Variants in HMGCLL1 observed in about 807,000 individuals in gnomAD.
HMGCLL1 encodes 3-hydroxymethyl-3-methylglutaryl-CoA lyase, cytoplasmic.
Under a neutral mutation model 39.1 loss-of-function variants are expected in HMGCLL1, and 36 were observed. The observed-to-expected ratio is 0.92, with a 90% confidence interval of 0.71 to 1.22. The LOEUF (loss-of-function observed/expected upper bound fraction) is 1.22, where lower values mean the gene tolerates loss of function less well. Among genes scored for constraint, HMGCLL1 ranks in the 50% most tolerant of loss-of-function variants. The probability of loss-of-function intolerance (pLI) is 0.00; values close to 1 mark genes in which losing one functional copy is unlikely to be tolerated. For missense variants in HMGCLL1, 451 were observed against 416.5 expected, an observed-to-expected ratio of 1.08 and a Z score of -0.72; for synonymous variants, 149 against 144.0, an observed-to-expected ratio of 1.03 and a Z score of -0.25.
At chr6:55,524,408 TTTAAAA>T (rs1393748833) in intron 3 of HMGCLL1, among the ~76,000 whole-genome samples, 1 of 149,488 alleles carries the variant, frequency 6.7e-6, no homozygotes, top group Admixed American at 6.8e-5. Flanking sequence ...TTTTTTCTCA[TTTAAAA>T]TTAATATTTA....
At chr6:55,475,015 G>A (rs1342768687) in intron 7 of HMGCLL1, among the ~76,000 whole-genome samples, 1 of 151,462 alleles carries the variant, frequency 6.6e-6, no homozygotes, top group African/African-American at 2.4e-5. Flanking sequence ...TCCTTAATCT[G>A]GTGATTAAAT....
intron 5 of HMGCLL1, among the ~76,000 whole-genome samples, chr6:55,507,711 G>C (rs1767242091): frequency 6.6e-6 from 1 of 151,598 alleles, no homozygotes; most frequent in Non-Finnish European, 1.5e-5. Context: ...TTAAATCTCT[G>C]AGACCTGAAA....
chr6:55,534,805 T>C (rs1372045078), intron 3 of HMGCLL1, among the ~76,000 whole-genome samples: 1 of 152,248 alleles, frequency 6.6e-6, no homozygotes, highest in Non-Finnish European at 1.5e-5. Flanking sequence ...GATTATTTGG[T>C]GTGCGGGTAA....
chr6:55,626,807 A>G, the HMGCLL1 span, among the ~76,000 whole-genome samples: 2 of 152,002 alleles, frequency 1.3e-5, no homozygotes, highest in Non-Finnish European at 2.9e-5. Context: ...TTCAGTCAAG[A>G]GGCTAAGAAA....
the HMGCLL1 span, among the ~76,000 whole-genome samples, chr6:55,648,915 A>G: frequency 1.4e-5 from 2 of 147,702 alleles, no homozygotes; most frequent in East Asian, 4.0e-4. Context: ...CACAACCAAA[A>G]AAGAGAATTT....
upstream of HMGCLL1, among the ~76,000 whole-genome samples, chr6:55,580,359 G>C (rs1303986593): frequency 6.9e-6 from 1 of 145,488 alleles, no homozygotes; most frequent in African/African-American, 2.5e-5. Context: ...GGAGGTCATA[G>C]TCTTCTTCTC....
the HMGCLL1 span, among the ~76,000 whole-genome samples, chr6:55,643,184 A>C: frequency 5.3e-5 from 8 of 152,154 alleles, no homozygotes; most frequent in Non-Finnish European, 7.4e-5. Context: ...GGTGAATGGT[A>C]ATACTGTTTT....
intron 3 of HMGCLL1, among the ~76,000 whole-genome samples, chr6:55,539,051 C>G (rs375449716): frequency 1.3e-5 from 2 of 152,032 alleles, no homozygotes; most frequent in Non-Finnish European, 2.9e-5. Flanking sequence ...TGCAGAGAAA[C>G]GCAGAAATAC....
intron 7 of HMGCLL1, among the ~76,000 whole-genome samples, chr6:55,458,179 T>C (rs1397837048): frequency 6.6e-6 from 1 of 152,236 alleles, no homozygotes; most frequent in Non-Finnish European, 1.5e-5. Context: ...AAATTTAAAA[T>C]GACATGTAAT....
chr6:55,442,549 C>A (rs529738482), intron 7 of HMGCLL1, among the ~76,000 whole-genome samples: 1 of 152,178 alleles, frequency 6.6e-6, no homozygotes, highest in East Asian at 1.9e-4. Context: ...AGGATACTTA[C>A]AAAATCTCAC....
chr6:55,602,204 A>G, the HMGCLL1 span, among the ~76,000 whole-genome samples: 1 of 152,090 alleles, frequency 6.6e-6, no homozygotes, highest in Non-Finnish European at 1.5e-5. Flanking sequence ...GTGGCATTCT[A>G]TATTTTCCTC....
Position 55,477,421 on chromosome 6 carries a change from T to A in HMGCLL1, c.795+17998A>T, listed in dbSNP as rs1265977212. Among the ~76,000 whole-genome samples the A allele has an allele frequency of 1.5e-4, 4 of 26,128 alleles. No individual in the cohort carries two copies. In the African/African-American group the frequency reaches 2.1e-3, roughly 14 times the overall value. The allele number at this position is 26,128 out of a possible 152,430, so 17.1% of individuals were successfully genotyped here. A position where few individuals can be genotyped will look rare whatever the true frequency, so the allele number is the denominator to read the frequency against. The stretch of plus-strand genomic sequence containing the variant: ...ATATATTATCTAAATATATATTATC[T>A]TAATATATATTATATATTATATATA... On this transcript the variant is annotated intron_variant, in intron 7 of 8. Coordinates refer to ENST00000274901, the MANE Select transcript of HMGCLL1 (RefSeq NM_001042406.2).
the HMGCLL1 span, among the ~76,000 whole-genome samples, chr6:55,633,911 G>A: frequency 4.6e-5 from 7 of 152,154 alleles, no homozygotes; most frequent in African/African-American, 1.7e-4. Context: ...TCAAGTATCC[G>A]AAACATTCTT....
chr6:55,538,430 T>C (rs907499186), intron 3 of HMGCLL1, among the ~76,000 whole-genome samples: 2 of 152,140 alleles, frequency 1.3e-5, no homozygotes, highest in Non-Finnish European at 2.9e-5. Context: ...AGAAGTAAAT[T>C]TATGAAGATA....
the HMGCLL1 span, among the ~76,000 whole-genome samples, chr6:55,668,480 C>T: frequency 6.6e-6 from 1 of 151,824 alleles, no homozygotes; most frequent in Non-Finnish European, 1.5e-5. Flanking sequence ...ACATCACATC[C>T]CATCCCATCT....
intron 7 of HMGCLL1, among the ~76,000 whole-genome samples, chr6:55,477,235 T>TTTATTTATATAATATATAATA (rs1765389635): frequency 7.1e-5 from 1 of 14,116 alleles, no homozygotes; most frequent in Non-Finnish European, 9.9e-5. Context: ...ATAATATATA[T>TTTATTTATATAATATATAATA]TATATTTATA....
At chr6:55,465,574 T>C (rs893057377) in intron 7 of HMGCLL1, among the ~76,000 whole-genome samples, 17 of 152,122 alleles carry the variant, frequency 1.1e-4, no homozygotes, top group Non-Finnish European at 2.2e-4. Context: ...TCATTAAATA[T>C]GATATTCATG....
chr6:55,627,269 T>C, the HMGCLL1 span, among the ~76,000 whole-genome samples: 1 of 152,028 alleles, frequency 6.6e-6, no homozygotes, highest in Non-Finnish European at 1.5e-5. Context: ...ATATCTCCAT[T>C]TTATTTCTTT....
rs1298284131 is a variant in HMGCLL1, at chr6:55,478,389, G to A, written c.795+17030C>T. Among the ~76,000 whole-genome samples the A allele has an allele frequency of 3.3e-5, 5 of 151,284 alleles. 1 individual carries two copies. The highest frequency in any genetic ancestry group is 1.2e-4 in the African/African-American group (5 of 40,910). Reference sequence around the variant, plus strand: ...TACTTTCTACAGACATTTTAAACTGGAGAAGAGAAGTGAAAGGACAAATAA... The same window carrying A: ...TACTTTCTACAGACATTTTAAACTGAAGAAGAGAAGTGAAAGGACAAATAA... On this transcript the variant is annotated intron_variant, in intron 7 of 8. Coordinates refer to ENST00000274901, the MANE Select transcript of HMGCLL1 (RefSeq NM_001042406.2).
Sources: allele counts gnomAD v4.1 joint callset (sites outside exome capture counted in the v4.1 genomes callset), GRCh38; gene constraint gnomAD v4.1.1; transcripts MANE v1.5; gene names NCBI Gene and HGNC (gene_info 2026-07-23, HGNC 2026-07-21).